Variants in LAT observed in about 807,000 individuals in gnomAD.
LAT encodes the protein linker for activation of T cells, also known as linker for activation of T-cells family member 1.
A neutral mutation model predicts 39.1 loss-of-function variants in LAT; 12 were observed. The ratio of observed to expected loss-of-function variants is 0.31; its 90% CI spans 0.20 to 0.50. The LOEUF is 0.50. Ranked by LOEUF, LAT falls within the 20% of genes least tolerant of loss-of-function variation. The pLI is 0.98. For missense variants in LAT, 253 were observed against 308.0 expected, an observed-to-expected ratio of 0.82 and a Z score of 1.34; for synonymous variants, 117 against 123.8, an observed-to-expected ratio of 0.95 and a Z score of 0.36.
chr16:28,989,609 C>T lies in LAT; in HGVS notation c.556+20C>T, dbSNP rs760086078. The T allele has an allele frequency of 9.4e-6, 15 of 1,602,736 alleles. No individual in the cohort carries two copies. Among genetic ancestry groups the T allele is most frequent in the Middle Eastern group, 1.7e-4 (1 of 5,916 alleles). ...CTCTGGGTGAGTGACCGGTGCTTGT[C>T]GGTGCCTGCCCCTGCACCCCGCTGC... On this transcript the variant is annotated intron_variant, in intron 9 of 11. Coordinates refer to ENST00000395456, the MANE Select transcript of LAT (RefSeq NM_001014987.2).
rs781201974 is a variant in LAT at position 28,987,161 on chromosome 16, G to A, written c.493+268G>A. ...TGGGCTCAAGTGATCCTCCCACCTC[G>A]GGCTCCCAAAGTGCTTGGGATTATA... On this transcript the variant is annotated intron_variant, in intron 8 of 11. Transcript: ENST00000395456. 8.5e-5 allele frequency among the ~76,000 whole-genome samples: 13 copies of A among 152,116 alleles called. No individual in the cohort carries two copies. The East Asian group carries it at 1.9e-3, about 23-fold the overall frequency.
intron 9 of LAT, 60 bp from the exon 10 acceptor site, chr16:28,989,714 G>T: frequency 6.3e-7 from 1 of 1,599,520 alleles, no homozygotes; most frequent in Non-Finnish European, 8.6e-7. Flanking sequence ...GCGTCCCCTT[G>T]CTCTCTCGCC....
In LAT at chr16:28,986,704, C is replaced by A; in HGVS notation, c.388C>A (p.Pro130Thr). 2.5e-6 allele frequency: 4 copies of A among 1,613,122 alleles called. No homozygotes were observed. The highest frequency in any genetic ancestry group is 3.4e-6 in the Non-Finnish European group (4 of 1,179,526). ...ADEDEDDYHN[P>T]GYLVVLPDST... ...TGAGGATGAGGACGACTATCACAAC[C>A]CAGGCTACCTGTGAGTGGCCAGGTG... The change falls in exon 7 of 12, where the codon CCA becomes ACA. Residue 130 changes from proline to threonine, a missense_variant. Transcript: ENST00000395456. The surrounding 1 kb of genome is among the most constrained non-coding windows in gnomAD (Gnocchi z 5.7).
In LAT at chr16:28,990,607, C is replaced by A; in HGVS notation, c.*426C>A. On this transcript the variant is annotated 3_prime_UTR_variant, in exon 12 of 12. Coordinates refer to ENST00000395456, the MANE Select transcript of LAT (RefSeq NM_001014987.2). The stretch of plus-strand genomic sequence containing the variant: ...TCTGAATGAAGCCTTCTGACCTGGG[C>A]TGGCACTGCTGGGGGTGAGGACACA... The A allele has an allele frequency of 4.3e-6, 1 of 230,404 alleles. No homozygotes were observed. The highest frequency in any genetic ancestry group is 8.7e-6 in the Non-Finnish European group (1 of 115,480). The allele number at this position is 230,404 out of a possible 1,614,324, so 14.3% of individuals were successfully genotyped here.
At position 28,986,203 on chromosome 16, in the gene LAT, CTG is replaced by C; in HGVS notation, c.233_234del (p.Leu78ProfsTer24). 1.2e-6 allele frequency: 2 copies of C among 1,601,262 alleles called. No homozygotes were observed. On this transcript the variant is annotated frameshift_variant, in exon 4 of 12. Transcript: ENST00000395456. LOFTEE classifies it high-confidence loss of function. The surrounding 1 kb of genome is among the most constrained non-coding windows in gnomAD (Gnocchi z 5.7). ...TSYPPLSQPD[L>X]LPIPRSPQPL... ...CTACCCACCCCTGAGCCAGCCAGAC[CTG>C]CTCCCCATCCCGTGAGTAGCTGCTC...
intron 11 of LAT, 77 bp from the exon 12 acceptor site, chr16:28,990,112 G>T: frequency 9.6e-7 from 1 of 1,042,952 alleles, no homozygotes; most frequent in Non-Finnish European, 1.4e-6. Context: ...CCTCTGGCTT[G>T]TCCCTCTGTC....
chr16:28,990,303 C>A lies in LAT; in HGVS notation c.*122C>A. 1.6e-6 allele frequency: 1 copy of A among 640,800 alleles called. No individual in the cohort carries two copies. The highest frequency in any genetic ancestry group is 2.9e-6 in the Non-Finnish European group (1 of 345,994). 39.7% of individuals were successfully genotyped at this position (640,800 alleles called of 1,614,324 possible). A position where few individuals can be genotyped will look rare whatever the true frequency, so the allele number is the denominator to read the frequency against. On this transcript the variant is annotated 3_prime_UTR_variant, in exon 12 of 12. Transcript: ENST00000395456. The stretch of plus-strand genomic sequence containing the variant: ...TGCCCTTGCTCCAGCCTGACAACAG[C>A]CTGAGAAATCCCCCCGTAACTTATT...
chr16:28,987,206 G>C (rs1273716030), intron 8 of LAT, among the ~76,000 whole-genome samples: 1 of 152,164 alleles, frequency 6.6e-6, no homozygotes, highest in African/African-American at 2.4e-5. Flanking sequence ...CACCATGCCC[G>C]GCCCTGTTCT....
chr16:28,986,387 C>A lies in LAT; in HGVS notation c.251C>A (p.Ser84Tyr). 1 of 1,613,734 alleles carries A rather than the reference C, an allele frequency of 6.2e-7. No individual in the cohort carries two copies. The highest frequency in any genetic ancestry group is 8.5e-7 in the Non-Finnish European group (1 of 1,180,036). ...SQPDLLPIPR[S>Y]PQPLGGSHRT... The stretch of plus-strand genomic sequence containing the variant: ...CCCTGACCTTTGACTCCCAGAAGAT[C>A]CCCGCAGCCCCTTGGGGGCTCCCAC... The change falls in exon 5 of 12, where the codon TCC becomes TAC. Residue 84 changes from serine to tyrosine, a missense_variant. Physicochemically the swap from Ser to Tyr is moderately radical, Grantham distance 144. Coordinates refer to ENST00000395456, the MANE Select transcript of LAT (RefSeq NM_001014987.2). The surrounding 1 kb of genome is among the most constrained non-coding windows in gnomAD (Gnocchi z 5.7).
upstream of LAT, chr16:28,985,031 T>C: frequency 1.4e-6 from 2 of 1,412,466 alleles, no homozygotes; most frequent in South Asian, 3.0e-5. This position sits in a 1 kb window ranked among gnomAD's most constrained non-coding sequence, Gnocchi z 4.6. Flanking sequence ...GATGATTTCC[T>C]GCCCTCGCCC....
intron 8 of LAT, 129 bp downstream of exon 8, chr16:28,987,022 C>A: frequency 1.3e-6 from 1 of 749,086 alleles, no homozygotes; most frequent in Non-Finnish European, 2.1e-6. Flanking sequence ...GCTACTCGGC[C>A]TCAGCCTCCC....
chr16:28,990,188 G>A lies in LAT; in HGVS notation c.*8-1G>A, dbSNP rs1405965750. 1.4e-6 allele frequency: 1 copy of A among 720,526 alleles called. No homozygotes were observed. The highest frequency in any genetic ancestry group is 2.5e-6 in the Non-Finnish European group (1 of 402,156). The allele number at this position is 720,526 out of a possible 1,614,324, so 44.6% of individuals were successfully genotyped here. ...TCCCTCCCTGCCCTGGTGTGTTTCA[G>A]TGGAGGCCGAGTCTGTCCTGGAACC... On this transcript the variant is annotated splice_acceptor_variant, in intron 11 of 11. Coordinates refer to ENST00000395456, the MANE Select transcript of LAT (RefSeq NM_001014987.2). LOFTEE classifies it low-confidence loss of function (3UTR_SPLICE).
chr16:28,989,494 C>T, intron 8 of LAT, 33 bp from the exon 9 acceptor site: 2 of 1,570,872 alleles, frequency 1.3e-6, no homozygotes, highest in South Asian at 2.4e-5. Flanking sequence ...GGTCTCTGGT[C>T]ACAGTGCCGA....
rs1965777232 is a variant in LAT at position 28,986,994 on chromosome 16, A to G, written c.493+101A>G. 4.1e-6 allele frequency: 4 copies of G among 975,064 alleles called. No individual in the cohort carries two copies. In the East Asian group the frequency reaches 7.9e-5, roughly 19 times the overall value. 60.4% of individuals were successfully genotyped at this position (975,064 alleles called of 1,614,324 possible). A position where few individuals can be genotyped will look rare whatever the true frequency, so the allele number is the denominator to read the frequency against. On this transcript the variant is annotated intron_variant, in intron 8 of 11. Coordinates refer to ENST00000395456, the MANE Select transcript of LAT (RefSeq NM_001014987.2). This position sits in a 1 kb window ranked among gnomAD's most constrained non-coding sequence, Gnocchi z 5.7. ...CTGCAGCCTTGAACTCCTGGGCTCC[A>G]GTGATCCTCCCAAGTAGGCTACTCG...
chr16:28,985,750 C>T lies in LAT; in HGVS notation c.128+10C>T. On this transcript the variant is annotated intron_variant, in intron 2 of 11. Transcript: ENST00000395456. This position sits in a 1 kb window ranked among gnomAD's most constrained non-coding sequence, Gnocchi z 4.6. Reference sequence around the variant, plus strand: ...GCACATCCTCAGATAGGTGAGTCCGCCCCAGCCGCCCTGGGTCTCCCTCCA... The same window carrying T: ...GCACATCCTCAGATAGGTGAGTCCGTCCCAGCCGCCCTGGGTCTCCCTCCA... 3.7e-6 allele frequency: 6 copies of T among 1,614,070 alleles called. No homozygotes were observed. In the South Asian group the frequency reaches 4.4e-5, roughly 12 times the overall value.
chr16:28,990,385 T>C lies in LAT; in HGVS notation c.*204T>C. 1 of 444,906 alleles carries C rather than the reference T, an allele frequency of 2.2e-6. No individual in the cohort carries two copies. Among genetic ancestry groups the C allele is most frequent in the South Asian group, 1.8e-5 (1 of 55,024 alleles). The allele number at this position is 444,906 out of a possible 1,614,324, so 27.6% of individuals were successfully genotyped here. On this transcript the variant is annotated 3_prime_UTR_variant, in exon 12 of 12. Transcript: ENST00000395456. ...ACGCTCTGCACCTTCTGACGCAGCC[T>C]GAGAATGACCTGCCCTGGCCCCAGC...
chr16:28,985,109 G>A lies in LAT; in HGVS notation c.-309G>A. The A allele has an allele frequency of 7.0e-7, 1 of 1,427,752 alleles. No individual in the cohort carries two copies. Among genetic ancestry groups the A allele is most frequent in the Non-Finnish European group, 9.1e-7 (1 of 1,096,168 alleles). The allele number at this position is 1,427,752 out of a possible 1,614,324, so 88.4% of individuals were successfully genotyped here. On this transcript the variant is annotated 5_prime_UTR_variant, in exon 1 of 12. Coordinates refer to ENST00000395456, the MANE Select transcript of LAT (RefSeq NM_001014987.2). This position sits in a 1 kb window ranked among gnomAD's most constrained non-coding sequence, Gnocchi z 4.6. Reference sequence around the variant, plus strand: ...GGCACGGAGAGGCGGGCGCCGAGGAGGGGCAGGTAGGGCTGGGACGCAGGG... The same window carrying A: ...GGCACGGAGAGGCGGGCGCCGAGGAAGGGCAGGTAGGGCTGGGACGCAGGG...
rs775328558 is a variant in LAT, at chr16:28,986,496, C to G, written c.311-44C>G. On this transcript the variant is annotated intron_variant, in intron 5 of 11. Transcript: ENST00000395456. This position sits in a 1 kb window ranked among gnomAD's most constrained non-coding sequence, Gnocchi z 5.7. ...GGCGGGGGCTGGGAAGAAGATAGGC[C>G]TGGCCTGAGCTGACTTAGTCTCCCT... The G allele has an allele frequency of 6.2e-7, 1 of 1,611,670 alleles. No homozygotes were observed. Among genetic ancestry groups the G allele is most frequent in the Non-Finnish European group, 8.5e-7 (1 of 1,178,174 alleles).
At position 28,986,339 on chromosome 16, in the gene LAT, C is replaced by T; in HGVS notation, c.246-43C>T. The T allele has an allele frequency of 1.2e-6, 2 of 1,607,798 alleles. No individual in the cohort carries two copies. The highest frequency in any genetic ancestry group is 8.5e-7 in the Non-Finnish European group (1 of 1,175,540). On this transcript the variant is annotated intron_variant, in intron 4 of 11. Transcript: ENST00000395456. This position sits in a 1 kb window ranked among gnomAD's most constrained non-coding sequence, Gnocchi z 5.7. The stretch of plus-strand genomic sequence containing the variant: ...TCCCTTTTGCAACTGCTGTTGCCCC[C>T]TGAGCCCCACCTCAGGCATGACCCC...
Sources: gnomAD v4.1 joint callset for allele counts (sites outside exome capture counted in the v4.1 genomes callset) on GRCh38, gnomAD v4.1.1 for gene constraint, Gnocchi (gnomAD v3.1) non-coding constraint, MANE v1.5 for transcripts, NCBI Gene and HGNC (gene_info 2026-07-23, HGNC 2026-07-21) for gene names.